The following ZSWIM6 variants were observed in gnomAD, a reference collection of about 807,000 sequenced individuals.
The protein encoded by ZSWIM6 is zinc finger SWIM-type containing 6, also known as zinc finger SWIM domain-containing protein 6.
Under a neutral mutation model 113.2 loss-of-function variants are expected in ZSWIM6, and 9 were observed. That is an observed-to-expected ratio of 0.08 (90% confidence interval 0.05 to 0.14). The LOEUF is 0.14. Among genes scored for constraint, ZSWIM6 ranks in the 10% least tolerant of loss-of-function variants. ZSWIM6 has a pLI of 1.00. For synonymous variants in ZSWIM6, 611 were observed against 606.5 expected, an observed-to-expected ratio of 1.01 and a Z score of -0.11; for missense variants, 1,162 against 1,552.2, an observed-to-expected ratio of 0.75 and a Z score of 4.22.
At chr5:61,500,126 T>C (rs1003823176) in intron 4 of ZSWIM6, among the ~76,000 whole-genome samples, 25 of 145,796 alleles carry the variant, frequency 1.7e-4, no homozygotes, top group South Asian at 2.2e-4. Context: ...TTATTATTAT[T>C]ATCATTATCA....
chr5:61,430,651 G>A (rs974945115), intron 1 of ZSWIM6, among the ~76,000 whole-genome samples: 37 of 152,028 alleles, frequency 2.4e-4, no homozygotes, highest in African/African-American at 8.5e-4. Context: ...GAGTGTATGA[G>A]GATTTTGGTA....
chr5:61,345,242 A>G (rs1183649013), intron 1 of ZSWIM6, among the ~76,000 whole-genome samples: 2 of 152,158 alleles, frequency 1.3e-5, no homozygotes, highest in African/African-American at 4.8e-5. Context: ...TGGCTAACTC[A>G]TTTGTGTGTG....
intron 1 of ZSWIM6, among the ~76,000 whole-genome samples, chr5:61,414,001 T>C (rs147409817): frequency 1.3e-5 from 2 of 152,032 alleles, no homozygotes; most frequent in Non-Finnish European, 2.9e-5. Flanking sequence ...GTGTGAGTTG[T>C]AGAGCAGAGC....
At chr5:61,404,067 G>C (rs1020466197) in intron 1 of ZSWIM6, among the ~76,000 whole-genome samples, 3 of 151,364 alleles carry the variant, frequency 2.0e-5, no homozygotes, top group African/African-American at 2.4e-5. Context: ...GAGTGCAGTG[G>C]CGCGATCTTG....
chr5:61,452,038 G>A (rs1747096225), intron 1 of ZSWIM6, among the ~76,000 whole-genome samples: 1 of 152,072 alleles, frequency 6.6e-6, no homozygotes, highest in South Asian at 2.1e-4. Flanking sequence ...TGGTACTCTT[G>A]GAGCCTTTTG....
chr5:61,539,513 G>T lies in ZSWIM6; in HGVS notation c.2540-83G>T, dbSNP rs1749673913. The T allele has an allele frequency of 3.5e-6, 5 of 1,442,050 alleles. No homozygotes were observed. In the South Asian group the frequency reaches 5.6e-5, roughly 16 times the overall value. The allele number at this position is 1,442,050 out of a possible 1,614,324, so 89.3% of individuals were successfully genotyped here. On this transcript the variant is annotated intron_variant, in intron 11 of 13. Transcript: ENST00000252744. ...TTCTTTTTTCCCCCTCTGTGTGTGT[G>T]TATGGTTGTATGATTTTTGTTTATT... is the stretch of plus-strand genomic sequence containing the variant.
intron 2 of ZSWIM6, among the ~76,000 whole-genome samples, chr5:61,481,424 T>C (rs534306876): frequency 2.8e-4 from 42 of 152,172 alleles, no homozygotes; most frequent in African/African-American, 9.9e-4. Flanking sequence ...TGCCTCAGGA[T>C]CATGAATACT....
At chr5:61,393,607 G>A (rs553201606) in intron 1 of ZSWIM6, among the ~76,000 whole-genome samples, 24 of 151,958 alleles carry the variant, frequency 1.6e-4, no homozygotes, top group African/African-American at 5.3e-4. Context: ...GCGTGGTGGC[G>A]CATGTCTGTA....
At chr5:61,474,558 C>CT (rs1299571578) in intron 2 of ZSWIM6, among the ~76,000 whole-genome samples, 1 of 152,098 alleles carries the variant, frequency 6.6e-6, no homozygotes, top group Non-Finnish European at 1.5e-5. Context: ...TGTTATTTTA[C>CT]TTTTTTTCAT....
intron 1 of ZSWIM6, among the ~76,000 whole-genome samples, chr5:61,403,776 A>G (rs1745986826): frequency 6.6e-6 from 1 of 151,684 alleles, no homozygotes; most frequent in South Asian, 2.1e-4. Flanking sequence ...TTTTTGTCAT[A>G]AGAGGAAGCA....
rs11356012 is a variant in ZSWIM6, at chr5:61,440,360, T to TAAAA, written c.677-32302_677-32299dup. Among the ~76,000 whole-genome samples the TAAAA allele has an allele frequency of 1.5e-3, 174 of 113,042 alleles. 1 individual carries two copies. The highest frequency in any genetic ancestry group is 5.7e-3 in the African/African-American group (169 of 29,852). The allele number at this position is 113,042 out of a possible 152,430, so 74.2% of individuals were successfully genotyped here. ...AGCCTCTTAGTGCTATTCATTGGTG[T>TAAAA]AAAAAAAAAAAAAAAAAAAAAAGAT... On this transcript the variant is annotated intron_variant, in intron 1 of 13. Transcript: ENST00000252744.
In ZSWIM6 at chr5:61,425,272, G is replaced by A. The variant is rs374151654; in HGVS notation, c.677-47409G>A. 1.2e-4 allele frequency among the ~76,000 whole-genome samples: 19 copies of A among 152,310 alleles called. No individual in the cohort carries two copies. In the East Asian group the frequency reaches 3.7e-3, roughly 29 times the overall value. ...CAGAGAGGTTAAAATGGAGAAAAAG[G>A]TGTATATTCATAGAATTGATGAAAT... On this transcript the variant is annotated intron_variant, in intron 1 of 13. Transcript: ENST00000252744.
rs190882707 is a variant in ZSWIM6, at chr5:61,521,413, C to T, written c.1484C>T (p.Ala495Val). Reference protein sequence around the residue: ...HGSELPNLTNALPQGANANQD... With the variant: ...HGSELPNLTNVLPQGANANQD... ...AGTGAATTACCCAACTTAACCAATG[C>T]TCTGCCTCAGGGTGCAAATGCCAAC... is the stretch of plus-strand genomic sequence containing the variant. The change falls in exon 5 of 14, where the codon GCT (alanine) becomes GTT (valine). Residue 495 changes from alanine (A) to valine (V), a missense_variant. By Grantham distance (64) the Ala-to-Val change is moderately conservative (BLOSUM62 0). This residue lies in a region of ZSWIM6 where 620 missense variants were observed against 804.6 expected (regional missense o/e 0.77). Coordinates refer to ENST00000252744, the MANE Select transcript of ZSWIM6 (RefSeq NM_020928.2). 2.0e-6 allele frequency: 3 copies of T among 1,519,116 alleles called. No homozygotes were observed. The East Asian group carries it at 7.9e-5, about 40-fold the overall frequency. The allele number at this position is 1,519,116 out of a possible 1,614,324, so 94.1% of individuals were successfully genotyped here. A position where few individuals can be genotyped will look rare whatever the true frequency, so the allele number is the denominator to read the frequency against.
At chr5:61,377,266 C>T (rs1745391124) in intron 1 of ZSWIM6, among the ~76,000 whole-genome samples, 1 of 151,976 alleles carries the variant, frequency 6.6e-6, no homozygotes, top group African/African-American at 2.4e-5. Context: ...TTTATACCTC[C>T]ACCAGAATGA....
chr5:61,459,833 G>C (rs901163888), intron 1 of ZSWIM6, among the ~76,000 whole-genome samples: 1 of 152,140 alleles, frequency 6.6e-6, no homozygotes, highest in African/African-American at 2.4e-5. Flanking sequence ...TTTCATGTTA[G>C]ACTCTTTCAG....
At chr5:61,383,028 C>T (rs1160049766) in intron 1 of ZSWIM6, among the ~76,000 whole-genome samples, 2 of 152,082 alleles carry the variant, frequency 1.3e-5, no homozygotes, top group Admixed American at 6.6e-5. Flanking sequence ...TTCAAATCAT[C>T]GAATCTCATT....
At chr5:61,438,181 GA>G (rs1323997087) in intron 1 of ZSWIM6, among the ~76,000 whole-genome samples, 1 of 152,050 alleles carries the variant, frequency 6.6e-6, no homozygotes, top group Non-Finnish European at 1.5e-5. Context: ...AGAGTTTACA[GA>G]AAAAAATTAC....
chr5:61,470,296 G>A (rs977802930), intron 1 of ZSWIM6, among the ~76,000 whole-genome samples: 2 of 152,158 alleles, frequency 1.3e-5, no homozygotes, highest in African/African-American at 2.4e-5. Flanking sequence ...AAGATAACCG[G>A]TTTCCCCGTG....
chr5:61,341,272 C>G (rs1026457541), intron 1 of ZSWIM6, among the ~76,000 whole-genome samples: 12 of 152,194 alleles, frequency 7.9e-5, no homozygotes, highest in African/African-American at 2.9e-4. Flanking sequence ...GGGTTCCTGC[C>G]TTTCTCCCTG....
Sources: gnomAD v4.1 joint callset for allele counts (sites outside exome capture counted in the v4.1 genomes callset) on GRCh38, gnomAD v4.1.1 for gene constraint, gnomAD v4.1.1 regional missense constraint, MANE v1.5 for transcripts, NCBI Gene and HGNC (gene_info 2026-07-23, HGNC 2026-07-21) for gene names.